The following TNRC6A variants were observed in gnomAD, a reference collection of about 807,000 sequenced individuals.
The protein encoded by TNRC6A is trinucleotide repeat containing adaptor 6A.
A neutral mutation model predicts 221.2 loss-of-function variants in TNRC6A; 44 were observed. The ratio of observed to expected loss-of-function variants is 0.20; its 90% CI spans 0.16 to 0.26. TNRC6A has a LOEUF of 0.26. Ranked by LOEUF, TNRC6A falls within the 10% of genes least tolerant of loss-of-function variation. TNRC6A has a pLI of 1.00. For missense variants in TNRC6A, 2,199 were observed against 2,404.4 expected, an observed-to-expected ratio of 0.91 and a Z score of 1.79; for synonymous variants, 847 against 838.5, an observed-to-expected ratio of 1.01 and a Z score of -0.18.
intron 2 of TNRC6A, among the ~76,000 whole-genome samples, chr16:24,721,619 C>A (rs1035677800): frequency 2.0e-5 from 3 of 152,140 alleles, no homozygotes; most frequent in African/African-American, 4.8e-5. Context: ...TCAGCCCGGA[C>A]AACGTGGCAA....
chr16:24,713,576 T>C (rs2056252843), intron 2 of TNRC6A, among the ~76,000 whole-genome samples: 1 of 152,186 alleles, frequency 6.6e-6, no homozygotes. Flanking sequence ...TACTCTTGGG[T>C]CTATAACATG....
At chr16:24,812,250 C>T (rs1390290073) in intron 18 of TNRC6A, among the ~76,000 whole-genome samples, 1 of 151,726 alleles carries the variant, frequency 6.6e-6, no homozygotes, top group East Asian at 1.9e-4. Context: ...CAGGGTTTCA[C>T]CATGTTGGCC....
intron 2 of TNRC6A, among the ~76,000 whole-genome samples, chr16:24,707,929 C>T (rs141855891): frequency 2.6e-5 from 4 of 152,178 alleles, no homozygotes; most frequent in Non-Finnish European, 4.4e-5. Flanking sequence ...TGTGATGACA[C>T]GTGCCTGTAA....
intron 2 of TNRC6A, among the ~76,000 whole-genome samples, chr16:24,651,047 G>A (rs1222202974): frequency 2.8e-5 from 4 of 142,902 alleles, no homozygotes; most frequent in South Asian, 2.2e-4. Flanking sequence ...AATTGTCTAC[G>A]CAATTCCACT....
At chr16:24,784,241 A>G (rs1184427984) in intron 5 of TNRC6A, among the ~76,000 whole-genome samples, 1 of 152,060 alleles carries the variant, frequency 6.6e-6, no homozygotes, top group African/African-American at 2.4e-5. Flanking sequence ...ACCTCAGTTG[A>G]TCCTCCCGCC....
At chr16:24,729,301 ATTT>A (rs60592267), upstream of TNRC6A, among the ~76,000 whole-genome samples, 137 of 94,588 alleles carry the variant, frequency 1.4e-3, no homozygotes, top group African/African-American at 5.1e-3. Context: ...GTTTTAGGCA[ATTT>A]TTTTTTTTTT....
intron 5 of TNRC6A, among the ~76,000 whole-genome samples, chr16:24,779,668 T>G (rs1186049921): frequency 6.6e-6 from 1 of 152,126 alleles, no homozygotes; most frequent in Non-Finnish European, 1.5e-5. Flanking sequence ...TTTTACAGAT[T>G]AGGAAGTAGC....
rs1313814681 is a variant in TNRC6A, at chr16:24,824,430, G to A, written c.*623G>A. On this transcript the variant is annotated 3_prime_UTR_variant, in exon 25 of 25. Coordinates refer to ENST00000395799, the MANE Select transcript of TNRC6A (RefSeq NM_014494.4). ...TCATGTTGTAAAACTAAAGAATTTCGCTCTGCAGTTTGAAAAACTGTGGCC... is the reference window on the plus strand; with the variant it reads ...TCATGTTGTAAAACTAAAGAATTTCACTCTGCAGTTTGAAAAACTGTGGCC... 1 of 152,406 alleles carries A rather than the reference G, an allele frequency of 6.6e-6. No homozygotes were observed. The highest frequency in any genetic ancestry group is 2.4e-5 in the African/African-American group (1 of 41,360). 9.4% of individuals were successfully genotyped at this position (152,406 alleles called of 1,614,324 possible).
intron 2 of TNRC6A, among the ~76,000 whole-genome samples, chr16:24,737,161 A>C (rs1376455993): frequency 6.6e-6 from 1 of 152,114 alleles, no homozygotes; most frequent in Non-Finnish European, 1.5e-5. Context: ...AAATAATAAA[A>C]ATAAAAATAA....
rs1329050618 is a variant in TNRC6A at position 24,704,683 on chromosome 16, A to AG, written n.403-46043_403-46042insG. 1.4e-4 allele frequency among the ~76,000 whole-genome samples: 20 copies of AG among 145,140 alleles called. 1 individual carries two copies. The highest frequency in any genetic ancestry group is 5.2e-4 in the African/African-American group (20 of 38,324). On this transcript the variant is annotated intron_variant and non_coding_transcript_variant, in intron 2 of 2. Coordinates refer to the TNRC6A transcript ENST00000566108. ...CCGTCTCAAAAAAAAAAAAAAAAAA[A>AG]AAAAAAAAAAAGAAAGAAAAAAATT...
chr16:24,807,339 G>A (rs935091831), intron 17 of TNRC6A, among the ~76,000 whole-genome samples: 2 of 152,136 alleles, frequency 1.3e-5, no homozygotes, highest in Non-Finnish European at 2.9e-5. Flanking sequence ...CTCCACACTC[G>A]TTTAAAGTGC....
At chr16:24,796,076 G>A (rs2058213769) in intron 9 of TNRC6A, 137 bp downstream of exon 9, 2 of 910,958 alleles carry the variant, frequency 2.2e-6, no homozygotes, top group African/African-American at 3.3e-5. Context: ...ACTAAGATAT[G>A]AGTTTCACCT....
At chr16:24,638,389 C>A (rs1434199191) in intron 1 of TNRC6A, among the ~76,000 whole-genome samples, 1 of 151,998 alleles carries the variant, frequency 6.6e-6, no homozygotes, top group African/African-American at 2.4e-5. Flanking sequence ...TGCACTCCAA[C>A]CTGGGTGACA....
At chr16:24,693,811 G>GATCAGTTGA (rs1452641882) in intron 2 of TNRC6A, among the ~76,000 whole-genome samples, 2 of 150,794 alleles carry the variant, frequency 1.3e-5, no homozygotes, top group African/African-American at 4.9e-5. Flanking sequence ...GAGATGGGAA[G>GATCAGTTGA]ATCAGTTGAG....
intron 2 of TNRC6A, among the ~76,000 whole-genome samples, chr16:24,701,589 C>T (rs1459488581): frequency 6.6e-6 from 1 of 151,358 alleles, no homozygotes; most frequent in African/African-American, 2.4e-5. Flanking sequence ...CTAGTCTGAA[C>T]TCCTGACCTC....
rs2058801801 is a variant in TNRC6A, at chr16:24,823,164, G to A, written c.5513+151G>A. The A allele has an allele frequency of 1.7e-6, 2 of 1,209,330 alleles. No homozygotes were observed. Among genetic ancestry groups the A allele is most frequent in the South Asian group, 2.8e-5 (2 of 71,740 alleles). The allele number at this position is 1,209,330 out of a possible 1,614,324, so 74.9% of individuals were successfully genotyped here. A position where few individuals can be genotyped will look rare whatever the true frequency, so the allele number is the denominator to read the frequency against. The stretch of plus-strand genomic sequence containing the variant: ...TTCCAAGGTCGGCATTCCTAAGCGG[G>A]GAATCAGACCTGGCTAGATGGCCCT... On this transcript the variant is annotated intron_variant, in intron 24 of 24. Coordinates refer to ENST00000395799, the MANE Select transcript of TNRC6A (RefSeq NM_014494.4). This position sits in a 1 kb window ranked among gnomAD's most constrained non-coding sequence, Gnocchi z 4.3.
intron 4 of TNRC6A, among the ~76,000 whole-genome samples, chr16:24,763,259 A>G (rs2057401446): frequency 6.6e-6 from 1 of 152,212 alleles, no homozygotes; most frequent in African/African-American, 2.4e-5. Context: ...AGGGAAATGT[A>G]ATGACAATTT....
intron 1 of TNRC6A, among the ~76,000 whole-genome samples, chr16:24,637,511 G>A (rs1325340640): frequency 1.3e-5 from 2 of 152,182 alleles, no homozygotes; most frequent in African/African-American, 4.8e-5. Flanking sequence ...TAGATTAAAT[G>A]TACAATATAT....
At chr16:24,682,322 G>A (rs1446313613) in intron 2 of TNRC6A, among the ~76,000 whole-genome samples, 1 of 151,562 alleles carries the variant, frequency 6.6e-6, no homozygotes, top group Non-Finnish European at 1.5e-5. Flanking sequence ...AACCTCTCAA[G>A]GTCAAGCGAT....
Sources: allele counts gnomAD v4.1 joint callset (sites outside exome capture counted in the v4.1 genomes callset), GRCh38; gene constraint gnomAD v4.1.1; non-coding constraint Gnocchi (gnomAD v3.1); transcripts MANE v1.5; gene names NCBI Gene and HGNC (gene_info 2026-07-23, HGNC 2026-07-21).